SYT16: variants seen among roughly 807,000 people sequenced by gnomAD.
SYT16 encodes the protein synaptotagmin-16.
SYT16 carries 42 observed loss-of-function variants against 61.4 expected under a neutral mutation model. That is an observed-to-expected ratio of 0.68 (90% CI 0.53 to 0.89). SYT16 has a LOEUF of 0.89. SYT16 is among the 40% of genes least tolerant of loss of function. SYT16 has a pLI of 0.00. For synonymous variants in SYT16, 314 were observed against 302.3 expected, an observed-to-expected ratio of 1.04 and a Z score of -0.40; for missense variants, 804 against 807.3, an observed-to-expected ratio of 1.00 and a Z score of 0.05.
At position 61,820,342 on chromosome 14, in the gene SYT16, G is replaced by A. The variant is rs78575620; in HGVS notation, c.-325+7532G>A. Among the ~76,000 whole-genome samples, 1,265 of 152,194 alleles carry A rather than the reference G, an allele frequency of 8.3e-3. 23 individuals carry two copies. The highest frequency in any genetic ancestry group is 0.029 in the African/African-American group (1,220 of 41,526). ...ACCTCTTTGATTTAAGAGGCAAGAG[G>A]GTTTTGAGCACTTCTCCGCTGATGT... On this transcript the variant is annotated intron_variant, in intron 1 of 7. Transcript: ENST00000683842.
At chr14:61,972,783 A>T (rs1364970307) in intron 2 of SYT16, among the ~76,000 whole-genome samples, 2 of 152,212 alleles carry the variant, frequency 1.3e-5, no homozygotes, top group Admixed American at 6.5e-5. Context: ...CAGTACAGAC[A>T]GACAGAGCTT....
intron 2 of SYT16, among the ~76,000 whole-genome samples, chr14:61,972,532 C>A (rs2051604759): frequency 6.6e-6 from 1 of 152,040 alleles, no homozygotes; most frequent in Non-Finnish European, 1.5e-5. Context: ...CAGGAGCATC[C>A]CCAAATTATA....
At chr14:61,910,905 A>G (rs1486317609) in intron 1 of SYT16, among the ~76,000 whole-genome samples, 2 of 152,232 alleles carry the variant, frequency 1.3e-5, no homozygotes, top group East Asian at 3.8e-4. Context: ...CCTGCAGGGT[A>G]TCAAATGACT....
At chr14:61,898,317 G>A (rs2048396762) in intron 1 of SYT16, among the ~76,000 whole-genome samples, 1 of 152,216 alleles carries the variant, frequency 6.6e-6, no homozygotes, top group Admixed American at 6.5e-5. Flanking sequence ...AAAGAGAGAA[G>A]AGAGGTAGAC....
rs114796174 is a variant in SYT16 at position 62,027,717 on chromosome 14, G to A, written c.523+31175G>A. ...TTTATGTTATGTTGGGAGTTTCACT[G>A]TCTTTGACCTGCCCATTGAATCAGA... On this transcript the variant is annotated intron_variant, in intron 3 of 7. Coordinates refer to ENST00000683842, the MANE Select transcript of SYT16 (RefSeq NM_001367656.1). Among the ~76,000 whole-genome samples the A allele has an allele frequency of 4.8e-3, 731 of 152,232 alleles. 4 individuals carry two copies. Among genetic ancestry groups the A allele is most frequent in the African/African-American group, 0.017 (698 of 41,540 alleles).
chr14:61,888,049 A>G (rs2047975740), intron 1 of SYT16, among the ~76,000 whole-genome samples: 1 of 151,742 alleles, frequency 6.6e-6, no homozygotes, highest in Non-Finnish European at 1.5e-5. Flanking sequence ...AAAGTGAGAT[A>G]TCTGTGACAA....
intron 1 of SYT16, among the ~76,000 whole-genome samples, chr14:61,828,614 A>T (rs1424710769): frequency 6.6e-6 from 1 of 152,250 alleles, no homozygotes; most frequent in South Asian, 2.1e-4. Flanking sequence ...CAAAATAATC[A>T]TAGGATCTGA....
intron 1 of SYT16, among the ~76,000 whole-genome samples, chr14:61,956,447 A>G (rs1026547546): frequency 6.6e-6 from 1 of 152,054 alleles, no homozygotes; most frequent in Non-Finnish European, 1.5e-5. Context: ...TCTTATGTTT[A>G]AGTCATTAAT....
rs1428524351 is a variant in SYT16 at position 61,817,011 on chromosome 14, AC to A, written c.-325+4202del. ...GGGCGACAGAGTGAGGCTCCGTCAC[AC>A]ACACACACACACACACAAAAAAAGC... On this transcript the variant is annotated intron_variant, in intron 1 of 7. Coordinates refer to ENST00000683842, the MANE Select transcript of SYT16 (RefSeq NM_001367656.1). 9.2e-3 allele frequency among the ~76,000 whole-genome samples: 1,236 copies of A among 134,400 alleles called. 44 individuals carry two copies. The highest frequency in any genetic ancestry group is 0.033 in the African/African-American group (1,171 of 35,802). 88.2% of individuals were successfully genotyped at this position (134,400 alleles called of 152,430 possible). A position where few individuals can be genotyped will look rare whatever the true frequency, so the allele number is the denominator to read the frequency against.
chr14:62,060,431 T>C (rs2055775119), intron 3 of SYT16, among the ~76,000 whole-genome samples: 1 of 151,364 alleles, frequency 6.6e-6, no homozygotes, highest in Admixed American at 6.6e-5. Flanking sequence ...GTTCTCACAG[T>C]TGATTTTAGC....
Position 61,989,723 on chromosome 14 carries a change from G to T in SYT16, c.-144-6153G>T, listed in dbSNP as rs182021562. Among the ~76,000 whole-genome samples the T allele has an allele frequency of 6.6e-4, 101 of 152,310 alleles. 1 individual carries two copies. Among genetic ancestry groups the T allele is most frequent in the Admixed American group, 1.1e-3 (17 of 15,292 alleles). On this transcript the variant is annotated intron_variant, in intron 2 of 7. Coordinates refer to ENST00000683842, the MANE Select transcript of SYT16 (RefSeq NM_001367656.1). Reference sequence around the variant, plus strand: ...AGTATGATTTGCCTTGTGCCATGGAGTAAGTGAGAAGCAGATCCAAGACAG... The same window carrying T: ...AGTATGATTTGCCTTGTGCCATGGATTAAGTGAGAAGCAGATCCAAGACAG...
chr14:61,886,898 C>T (rs149333937), intron 1 of SYT16, among the ~76,000 whole-genome samples: 4,450 of 94,792 alleles, frequency 0.047, 11 homozygotes, highest in Non-Finnish European at 0.056. Context: ...TTTTTTTTGT[C>T]TTTTTTTTTT....
chr14:62,044,486 G>A (rs900427763), intron 3 of SYT16, among the ~76,000 whole-genome samples: 1 of 151,764 alleles, frequency 6.6e-6, no homozygotes, highest in Non-Finnish European at 1.5e-5. Context: ...GGTGTGTGAT[G>A]TTCCCCTCCC....
At chr14:62,033,230 G>A (rs992603861) in intron 3 of SYT16, among the ~76,000 whole-genome samples, 1 of 158 alleles carries the variant, frequency 6.3e-3, no homozygotes, top group African/African-American at 0.019. Flanking sequence ...AAATAAGAAT[G>A]TGTACTTCGG....
At chr14:62,003,475 T>A (rs532772146) in intron 3 of SYT16, among the ~76,000 whole-genome samples, 1 of 152,080 alleles carries the variant, frequency 6.6e-6, no homozygotes, top group South Asian at 2.1e-4. Context: ...TGCCAGCAAG[T>A]GCTTGTGTTC....
intron 1 of SYT16, among the ~76,000 whole-genome samples, chr14:61,934,064 A>G (rs2049882196): frequency 6.6e-6 from 1 of 152,172 alleles, no homozygotes; most frequent in Non-Finnish European, 1.5e-5. Context: ...TTGTGGAAAT[A>G]AAGATTTTGC....
Position 61,868,651 on chromosome 14 carries a change from C to T in SYT16, c.-325+55841C>T, listed in dbSNP as rs546296195. On this transcript the variant is annotated intron_variant, in intron 1 of 7. Coordinates refer to ENST00000683842, the MANE Select transcript of SYT16 (RefSeq NM_001367656.1). ...TTTATTATTGATTTCTTATTTAACT[C>T]TCTTTCAATAACATTTGTATGAGAT... Among the ~76,000 whole-genome samples the T allele has an allele frequency of 5.5e-4, 83 of 152,072 alleles. 1 individual carries two copies. The highest frequency in any genetic ancestry group is 6.8e-3 in the Middle Eastern group (2 of 294).
rs1411904235 is a variant in SYT16, at chr14:62,054,360, G to GTTGTTTTTTTTTTT, written c.524-15241_524-15240insGTTTTTTTTTTTTT. ...TAAAAGCTGTTACTTAGTGAAGTGA[G>GTTGTTTTTTTTTTT]TTTTTTTTTTTTTTTTTGGAGATAG... On this transcript the variant is annotated intron_variant, in intron 3 of 7. Coordinates refer to ENST00000683842, the MANE Select transcript of SYT16 (RefSeq NM_001367656.1). 6.6e-4 allele frequency among the ~76,000 whole-genome samples: 78 copies of GTTGTTTTTTTTTTT among 118,264 alleles called. 1 individual carries two copies. Among genetic ancestry groups the GTTGTTTTTTTTTTT allele is most frequent in the African/African-American group, 1.8e-3 (54 of 29,512 alleles). The allele number at this position is 118,264 out of a possible 152,430, so 77.6% of individuals were successfully genotyped here. A position where few individuals can be genotyped will look rare whatever the true frequency, so the allele number is the denominator to read the frequency against.
At chr14:61,879,822 A>G (rs896135814) in intron 1 of SYT16, among the ~76,000 whole-genome samples, 4 of 152,192 alleles carry the variant, frequency 2.6e-5, no homozygotes, top group African/African-American at 9.6e-5. Flanking sequence ...CATCGATCTA[A>G]CATTAGCCCT....
Sources: allele counts gnomAD v4.1 joint callset (sites outside exome capture counted in the v4.1 genomes callset), GRCh38; gene constraint gnomAD v4.1.1; transcripts MANE v1.5; gene names NCBI Gene and HGNC (gene_info 2026-07-23, HGNC 2026-07-21).